SAMMSON: variants seen among roughly 807,000 people sequenced by gnomAD.
SAMMSON encodes survival associated mitochondrial melanoma specific oncogenic non-coding RNA.
intron 6 of SAMMSON, among the ~76,000 whole-genome samples, chr3:70,266,896 C>G (rs1330844717): frequency 1.3e-5 from 2 of 152,222 alleles, no homozygotes; most frequent in African/African-American, 4.8e-5. Context: ...CATCCACTGC[C>G]TGCCACAGAA....
chr3:70,112,728 A>G (rs2067394734), intron 4 of SAMMSON, among the ~76,000 whole-genome samples: 1 of 152,220 alleles, frequency 6.6e-6, no homozygotes, highest in Admixed American at 6.5e-5. Context: ...GTAAATATGA[A>G]TGAATAAACT....
At chr3:70,062,733 A>G (rs1285068706) in intron 3 of SAMMSON, among the ~76,000 whole-genome samples, 1 of 152,066 alleles carries the variant, frequency 6.6e-6, no homozygotes, top group East Asian at 1.9e-4. Flanking sequence ...CAAAACGTTC[A>G]GGCCTGGCTG....
chr3:70,048,542 G>A (rs2067135269), intron 3 of SAMMSON, among the ~76,000 whole-genome samples: 1 of 151,966 alleles, frequency 6.6e-6, no homozygotes, highest in Non-Finnish European at 1.5e-5. Context: ...ATCCTTTATA[G>A]GGACAACACC....
intron 4 of SAMMSON, among the ~76,000 whole-genome samples, chr3:70,175,911 A>G (rs769406312): frequency 2.6e-5 from 4 of 152,066 alleles, no homozygotes; most frequent in Admixed American, 2.0e-4. Context: ...ACATGGGGCC[A>G]CCGAAACACC....
intron 3 of SAMMSON, among the ~76,000 whole-genome samples, chr3:70,032,554 A>C (rs990889434): frequency 6.6e-6 from 1 of 152,206 alleles, no homozygotes; most frequent in Non-Finnish European, 1.5e-5. Flanking sequence ...GTATTTGGTC[A>C]TATATTTGAC....
intron 4 of SAMMSON, among the ~76,000 whole-genome samples, chr3:70,135,067 A>G (rs998916374): frequency 1.3e-5 from 2 of 152,166 alleles, no homozygotes; most frequent in African/African-American, 4.8e-5. Flanking sequence ...TGGCCAGCTT[A>G]AATCTTTATT....
At chr3:70,395,792 A>G (rs552776028) in intron 2 of SAMMSON, among the ~76,000 whole-genome samples, 3 of 152,182 alleles carry the variant, frequency 2.0e-5, no homozygotes, top group African/African-American at 7.2e-5. Context: ...TTAGGAGTCA[A>G]TGCTCTAAGT....
chr3:70,215,297 T>C (rs1304579180), intron 4 of SAMMSON, among the ~76,000 whole-genome samples: 1 of 152,078 alleles, frequency 6.6e-6, no homozygotes, highest in Non-Finnish European at 1.5e-5. Context: ...ACTTACGTCT[T>C]CTAATTCCTA....
At chr3:70,192,987 T>G (rs1373519421) in intron 4 of SAMMSON, among the ~76,000 whole-genome samples, 1 of 152,206 alleles carries the variant, frequency 6.6e-6, no homozygotes, top group African/African-American at 2.4e-5. Flanking sequence ...TTCTGGCTTC[T>G]ATCCACAAGA....
chr3:70,278,743 G>T (rs1702052342), intron 6 of SAMMSON, among the ~76,000 whole-genome samples: 1 of 152,058 alleles, frequency 6.6e-6, no homozygotes, highest in South Asian at 2.1e-4. Context: ...ATCTAAGTTG[G>T]TGCTCTATTT....
At chr3:70,398,928 GA>G (rs920647377) in intron 2 of SAMMSON, among the ~76,000 whole-genome samples, 74 of 152,250 alleles carry the variant, frequency 4.9e-4, no homozygotes, top group African/African-American at 1.7e-3. Context: ...TTAATAGACT[GA>G]AAAAATGGAC....
chr3:70,291,881 C>G (rs186260853), intron 7 of SAMMSON: 113 of 152,296 alleles, frequency 7.4e-4, no homozygotes, highest in African/African-American at 2.6e-3. Flanking sequence ...ATGTAGGAGT[C>G]TAATATTTTC....
At chr3:70,324,853 T>C (rs936860707) in intron 7 of SAMMSON, among the ~76,000 whole-genome samples, 1 of 150,748 alleles carries the variant, frequency 6.6e-6, no homozygotes, top group African/African-American at 2.4e-5. Flanking sequence ...GAAATATTTC[T>C]CCTCTCCTCT....
chr3:70,005,838 T>C (rs893909295), intron 1 of SAMMSON, among the ~76,000 whole-genome samples: 4 of 152,204 alleles, frequency 2.6e-5, no homozygotes, highest in Admixed American at 2.6e-4. Context: ...GCACATATGC[T>C]TACCCACTTG....
At chr3:70,157,332 C>A (rs9822708) in intron 4 of SAMMSON, among the ~76,000 whole-genome samples, 72,619 of 151,854 alleles carry the variant, frequency 0.48, 18,296 homozygotes, top group Non-Finnish European at 0.52. Flanking sequence ...ACGAGGCAAG[C>A]GTAGCATGAT....
chr3:70,104,104 G>T (rs905243798), intron 4 of SAMMSON, among the ~76,000 whole-genome samples: 1 of 151,492 alleles, frequency 6.6e-6, no homozygotes, highest in Non-Finnish European at 1.5e-5. Context: ...AGAAGATCCT[G>T]GATTGATTTT....
At chr3:70,185,491 A>C (rs1053165239) in intron 4 of SAMMSON, among the ~76,000 whole-genome samples, 4 of 152,158 alleles carry the variant, frequency 2.6e-5, no homozygotes, top group Non-Finnish European at 5.9e-5. Context: ...CAGAGGATTG[A>C]AAGCCTGGCA....
intron 7 of SAMMSON, among the ~76,000 whole-genome samples, chr3:70,296,072 T>C (rs1559557044): frequency 6.6e-6 from 1 of 152,210 alleles, no homozygotes; most frequent in East Asian, 1.9e-4. Context: ...TTTTATGTCT[T>C]AGAATTCATT....
At chr3:70,094,254 A>G (rs1269368428) in intron 4 of SAMMSON, among the ~76,000 whole-genome samples, 2 of 151,928 alleles carry the variant, frequency 1.3e-5, no homozygotes, top group Admixed American at 6.6e-5. Context: ...GATCTCATCT[A>G]ATAGCCTCAT....
Sources: gnomAD v4.1 joint callset for allele counts (sites outside exome capture counted in the v4.1 genomes callset) on GRCh38, gnomAD v4.1.1 for gene constraint, MANE v1.5 for transcripts, NCBI Gene and HGNC (gene_info 2026-07-23, HGNC 2026-07-21) for gene names.